Variants in ADGRF5 observed in about 807,000 individuals in gnomAD.
The protein encoded by ADGRF5 is G-protein coupled receptor 116.
ADGRF5 carries 75 observed loss-of-function variants against 132.3 expected under a neutral mutation model. The ratio of observed to expected loss-of-function variants is 0.57; its 90% CI spans 0.47 to 0.69. The LOEUF (loss-of-function observed/expected upper bound fraction) is 0.69. Ranked by LOEUF, ADGRF5 falls within the 30% of genes least tolerant of loss-of-function variation. The probability of loss-of-function intolerance (pLI) is 0.00; values close to 1 mark genes in which losing one functional copy is unlikely to be tolerated. For synonymous variants in ADGRF5, 629 were observed against 597.6 expected (o/e 1.05, Z -0.77); for missense variants, 1,516 against 1,630.6 (o/e 0.93, Z 1.21).
Position 46,867,062 on chromosome 6 carries a change from G to T in ADGRF5, c.1697C>A (p.Pro566His). 6.2e-7 allele frequency: 1 copy of T among 1,613,396 alleles called. No individual in the cohort carries two copies. Among genetic ancestry groups the T allele is most frequent in the African/African-American group, 1.3e-5 (1 of 75,024 alleles). The change falls in exon 13 of 21, where the codon CCT (proline) becomes CAT (histidine). Residue 566 changes from proline to histidine, a missense_variant. By Grantham distance (77) the Pro-to-His change is moderately conservative (BLOSUM62 -2). Coordinates refer to ENST00000283296, the MANE Select transcript of ADGRF5 (RefSeq NM_001098518.2). ...ATCAACCATGATGTTCAGCTTTAGA[G>T]GCAGCGGGTGAACAATGACGTCTTT... ...ATKDVIVHPL[P>H]LKLNIMVDPL...
upstream of ADGRF5, among the ~76,000 whole-genome samples, chr6:46,926,044 A>G (rs1206742190): frequency 6.6e-6 from 1 of 152,150 alleles, no homozygotes; most frequent in Non-Finnish European, 1.5e-5. Context: ...GTCCTTATAC[A>G]AGGAAGGAAC....
chr6:46,860,760 A>T lies in ADGRF5; in HGVS notation c.2334T>A (p.Asp778Glu), dbSNP rs1405094338. 1.2e-6 allele frequency: 2 copies of T among 1,613,986 alleles called. No homozygotes were observed. Reference protein sequence around the residue: ...GSLGAIINILDLLSTVPTQVN... With the variant: ...GSLGAIINILELLSTVPTQVN... Reference sequence around the variant, plus strand: ...CTTGGGTTGGAACTGTTGAGAGCAGATCAAGGATGTTAATAATGGCTCCCA... The same window carrying T: ...CTTGGGTTGGAACTGTTGAGAGCAGTTCAAGGATGTTAATAATGGCTCCCA... The change falls in exon 16 of 21, where the codon GAT becomes GAA. Residue 778 changes from aspartate to glutamate, a missense_variant. Asp to Glu is a conservative substitution (Grantham distance 45). Coordinates refer to ENST00000283296, the MANE Select transcript of ADGRF5 (RefSeq NM_001098518.2).
chr6:46,924,651 T>C (rs1777163210), upstream of ADGRF5, among the ~76,000 whole-genome samples: 2 of 152,156 alleles, frequency 1.3e-5, no homozygotes, highest in Admixed American at 1.3e-4. Context: ...ACTTGATATC[T>C]CCTTTCAGTT....
At chr6:46,916,419 C>T (rs1471572100) in intron 1 of ADGRF5, among the ~76,000 whole-genome samples, 1 of 152,190 alleles carries the variant, frequency 6.6e-6, no homozygotes, top group East Asian at 1.9e-4. Context: ...CACAGGTGTC[C>T]TTGGACACAA....
Position 46,871,962 on chromosome 6 carries a change from G to A in ADGRF5, c.1292C>T (p.Ala431Val), listed in dbSNP as rs77392151. Residue 431 changes from alanine to valine, a missense_variant, in exon 11 of 21, where the codon GCT becomes GTT. Ala to Val is a moderately conservative substitution (Grantham distance 64). Around this residue, in one of 2 missense-constraint regions of ADGRF5, gnomAD observed 945 missense variants for 929.4 expected, o/e 1.02. Transcript: ENST00000283296. The part of the protein sequence containing the change: ...DSSCSRYTLK[A>V]DGTQCPSGSS... ...CCCGCTTGGGCACTGGGTTCCATCA[G>A]CCTTGAGGGTGTATCTGCTGCAGCT... 2.2e-3 allele frequency: 3,477 copies of A among 1,613,124 alleles called. 70 individuals carry two copies. In the African/African-American group the frequency reaches 0.04, roughly 19 times the overall value.
intron 1 of ADGRF5, among the ~76,000 whole-genome samples, chr6:46,932,464 A>G (rs1777599310): frequency 6.6e-6 from 1 of 152,184 alleles, no homozygotes; most frequent in African/African-American, 2.4e-5. Flanking sequence ...AAGAAAAGTC[A>G]CAGCATGGTT....
intron 16 of ADGRF5, 124 bp downstream of exon 16, chr6:46,860,591 T>C: frequency 1.6e-6 from 1 of 623,530 alleles, no homozygotes; most frequent in Non-Finnish European, 2.8e-6. Context: ...GGCAGAACTA[T>C]CCTGAGCACT....
Position 46,863,004 on chromosome 6 carries a change from T to A in ADGRF5, c.2083A>T (p.Ser695Cys). 1 of 1,613,920 alleles carries A rather than the reference T, an allele frequency of 6.2e-7. No individual in the cohort carries two copies. Among genetic ancestry groups the A allele is most frequent in the Non-Finnish European group, 8.5e-7 (1 of 1,179,826 alleles). The change falls in exon 15 of 21, where the codon AGC becomes TGC. Residue 695 changes from serine to cysteine, a missense_variant. Around this residue, in one of 2 missense-constraint regions of ADGRF5, gnomAD observed 945 missense variants for 929.4 expected, o/e 1.02. Coordinates refer to ENST00000283296, the MANE Select transcript of ADGRF5 (RefSeq NM_001098518.2). ...KLCRFSNVPS[S>C]PESPIGGTIT... Reference sequence around the variant, plus strand: ...GTCCCGCCAATGGGACTCTCAGGGCTGCTGGGAACGTTTGAGAACCGGCAT... The same window carrying A: ...GTCCCGCCAATGGGACTCTCAGGGCAGCTGGGAACGTTTGAGAACCGGCAT...
intron 15 of ADGRF5, among the ~76,000 whole-genome samples, chr6:46,861,567 A>T (rs1239200256): frequency 2.0e-5 from 3 of 152,160 alleles, no homozygotes; most frequent in African/African-American, 4.8e-5. Flanking sequence ...ACATACTTTC[A>T]TTTGTGGCAT....
Position 46,884,265 on chromosome 6 carries a change from C to G in ADGRF5, c.335G>C (p.Arg112Thr). 1.2e-6 allele frequency: 2 copies of G among 1,613,040 alleles called. No homozygotes were observed. The highest frequency in any genetic ancestry group is 1.7e-6 in the Non-Finnish European group (2 of 1,179,122). The change falls in exon 5 of 21, where the codon AGA (arginine) becomes ACA (threonine). Residue 112 changes from arginine (R) to threonine (T), a missense_variant. Arg to Thr is a moderately conservative substitution (Grantham distance 71, BLOSUM62 -1). Around this residue, in one of 2 missense-constraint regions of ADGRF5, gnomAD observed 945 missense variants for 929.4 expected, o/e 1.02. Transcript: ENST00000283296. ...ILSINVTTVCRPAGNEIWCSC... is the reference protein window; with the variant it reads ...ILSINVTTVCTPAGNEIWCSC... ...GCACCAGATTTCATTTCCAGCAGGT[C>G]TGCAGACTATCGTTAATCAGAACAG...
At chr6:46,916,099 A>G (rs554208864) in intron 1 of ADGRF5, among the ~76,000 whole-genome samples, 2 of 152,276 alleles carry the variant, frequency 1.3e-5, no homozygotes, top group South Asian at 4.1e-4. Flanking sequence ...ACCTTCTTAT[A>G]GTAAGCTCAT....
At chr6:46,912,339 G>T (rs541276610) in intron 1 of ADGRF5, among the ~76,000 whole-genome samples, 1 of 152,066 alleles carries the variant, frequency 6.6e-6, no homozygotes, top group Admixed American at 6.6e-5. Context: ...AAAACAACAG[G>T]GGAGTTTGGA....
chr6:46,898,306 A>G (rs1242100022), intron 3 of ADGRF5, among the ~76,000 whole-genome samples: 1 of 152,184 alleles, frequency 6.6e-6, no homozygotes, highest in Non-Finnish European at 1.5e-5. Context: ...GCTGGAACTC[A>G]CTGGCCAGTA....
chr6:46,953,246 C>G (rs1427988637), intron 1 of ADGRF5, among the ~76,000 whole-genome samples: 1 of 152,110 alleles, frequency 6.6e-6, no homozygotes, highest in East Asian at 1.9e-4. Flanking sequence ...CCCAAGTGAT[C>G]ACTCCCAACT....
chr6:46,897,145 T>TATACACACACAC (rs1554206284), intron 3 of ADGRF5, among the ~76,000 whole-genome samples: 28 of 141,874 alleles, frequency 2.0e-4, no homozygotes, highest in African/African-American at 7.1e-4. Flanking sequence ...TGCATATATA[T>TATACACACACAC]ACACACACAC....
intron 1 of ADGRF5, among the ~76,000 whole-genome samples, chr6:46,945,641 G>A (rs1215859650): frequency 3.9e-5 from 6 of 152,214 alleles, no homozygotes; most frequent in Non-Finnish European, 7.3e-5. Flanking sequence ...GCACAGGGAT[G>A]GGGTGACCTG....
intron 1 of ADGRF5, among the ~76,000 whole-genome samples, chr6:46,907,002 G>A (rs1442143656): frequency 6.6e-6 from 1 of 152,210 alleles, no homozygotes; most frequent in Non-Finnish European, 1.5e-5. Flanking sequence ...TTGATAGGCT[G>A]AGAATGGTGC....
chr6:46,864,223 A>C (rs924341608), intron 14 of ADGRF5, among the ~76,000 whole-genome samples: 1 of 152,178 alleles, frequency 6.6e-6, no homozygotes, highest in East Asian at 1.9e-4. Context: ...GCTCCCCAAC[A>C]TGGGCTAGCA....
Position 46,875,487 on chromosome 6 carries a change from T to C in ADGRF5, c.1240+2715A>G, listed in dbSNP as rs1433256277. ...AAAACCAAGATGATAAATGTAAACA[T>C]TGAAAACAGAGTTGAGGCCAGGTGT... On this transcript the variant is annotated intron_variant, in intron 10 of 20. Coordinates refer to ENST00000283296, the MANE Select transcript of ADGRF5 (RefSeq NM_001098518.2). Among the ~76,000 whole-genome samples the C allele has an allele frequency of 2.0e-5, 3 of 152,118 alleles. No homozygotes were observed. The East Asian group carries it at 5.8e-4, about 29-fold the overall frequency.
Sources: gnomAD v4.1 joint callset for allele counts (sites outside exome capture counted in the v4.1 genomes callset) on GRCh38, gnomAD v4.1.1 for gene constraint, gnomAD v4.1.1 regional missense constraint, MANE v1.5 for transcripts, NCBI Gene and HGNC (gene_info 2026-07-23, HGNC 2026-07-21) for gene names.